Variants in NFIX observed in about 807,000 individuals in gnomAD.
The protein encoded by NFIX is nuclear factor 1 X-type.
Under a neutral mutation model 53.3 loss-of-function variants are expected in NFIX, and 2 were observed. The observed-to-expected ratio is 0.04, with a 90% CI of 0.02 to 0.12. The LOEUF (loss-of-function observed/expected upper bound fraction) is 0.12. Ranked by LOEUF, NFIX falls within the 10% of genes least tolerant of loss-of-function variation. The pLI, the probability that NFIX is intolerant of heterozygous loss-of-function variation, is 1.00. For synonymous variants in NFIX, 244 were observed against 289.0 expected (o/e 0.84, Z 1.58); for missense variants, 310 against 674.5 (o/e 0.46, Z 5.99).
chr19:13,010,343 C>G (rs2012270620), intron 1 of NFIX, among the ~76,000 whole-genome samples: 1 of 152,238 alleles, frequency 6.6e-6, no homozygotes, highest in African/African-American at 2.4e-5. Context: ...CGAAGGGGAC[C>G]TAGGCGCGCT....
At chr19:13,050,557 A>G (rs1422999203) in intron 2 of NFIX, among the ~76,000 whole-genome samples, 2 of 152,110 alleles carry the variant, frequency 1.3e-5, no homozygotes, top group Admixed American at 6.5e-5. Flanking sequence ...ACACATGTGG[A>G]ATTAACTTTA....
chr19:13,000,866 G>A (rs185466905), intron 1 of NFIX, among the ~76,000 whole-genome samples: 1 of 152,282 alleles, frequency 6.6e-6, no homozygotes, highest in Admixed American at 6.5e-5. Flanking sequence ...TGGGTGTTTG[G>A]CCGTGGCGCC....
intron 8 of NFIX, chr19:13,082,116 C>G: frequency 8.0e-6 from 4 of 501,404 alleles, no homozygotes; most frequent in Non-Finnish European, 1.4e-5. Context: ...CTTGCCTTTC[C>G]CATGGTCCTT....
chr19:13,035,870 G>A (rs1305676899), intron 2 of NFIX, among the ~76,000 whole-genome samples: 2 of 152,144 alleles, frequency 1.3e-5, no homozygotes, highest in South Asian at 2.1e-4. Flanking sequence ...CTTCCCACCC[G>A]CTGCCTTTTG....
chr19:13,053,978 G>A (rs2015486334), intron 2 of NFIX, among the ~76,000 whole-genome samples: 1 of 152,042 alleles, frequency 6.6e-6, no homozygotes, highest in Admixed American at 6.5e-5. Context: ...TTGTGGTCCT[G>A]GCCTACTGGC....
At chr19:13,054,923 G>T (rs967281744) in intron 2 of NFIX, among the ~76,000 whole-genome samples, 3 of 152,124 alleles carry the variant, frequency 2.0e-5, no homozygotes, top group Non-Finnish European at 4.4e-5. Context: ...GCTTTGGGGG[G>T]TTTTCCCCCC....
intron 10 of NFIX, among the ~76,000 whole-genome samples, chr19:13,092,629 A>G (rs1736168141): frequency 6.6e-6 from 1 of 152,246 alleles, no homozygotes; most frequent in South Asian, 2.1e-4. Flanking sequence ...GCTTACCACC[A>G]GAGTCAGCCT....
Position 13,075,068 on chromosome 19 carries a change from T to TTAAAAA in NFIX, c.819-467_819-466insTAAAAA, listed in dbSNP as rs556561337. Among the ~76,000 whole-genome samples, 296 of 73,702 alleles carry TTAAAAA rather than the reference T, an allele frequency of 4.0e-3. 8 individuals are homozygous for TTAAAAA. Among genetic ancestry groups the TTAAAAA allele is most frequent in the African/African-American group, 0.019 (283 of 15,114 alleles). The allele number at this position is 73,702 out of a possible 152,430, so 48.4% of individuals were successfully genotyped here. A position where few individuals can be genotyped will look rare whatever the true frequency, so the allele number is the denominator to read the frequency against. ...CTGGGTGACAGAGCGAGACTCCATC[T>TTAAAAA]AAAAAAAAAAAAAAAAAAAAAGGAA... On this transcript the variant is annotated intron_variant, in intron 5 of 10. Coordinates refer to ENST00000592199, the MANE Select transcript of NFIX (RefSeq NM_001365902.3).
chr19:13,035,738 G>A (rs916424262), intron 2 of NFIX, among the ~76,000 whole-genome samples: 7 of 152,048 alleles, frequency 4.6e-5, no homozygotes, highest in African/African-American at 9.7e-5. Context: ...TTAGTTCTTC[G>A]AATTTTTTTC....
intron 2 of NFIX, among the ~76,000 whole-genome samples, chr19:13,055,440 T>C (rs2015604501): frequency 6.6e-6 from 1 of 152,038 alleles, no homozygotes; most frequent in Non-Finnish European, 1.5e-5. Context: ...GCTCACCGCC[T>C]CGGCATCTGC....
rs2015220857 is a variant in NFIX at position 13,049,852 on chromosome 19, A to G, written c.560-23195A>G. 2.0e-5 allele frequency among the ~76,000 whole-genome samples: 3 copies of G among 152,160 alleles called. No individual in the cohort carries two copies. The South Asian group carries it at 6.2e-4, about 32-fold the overall frequency. On this transcript the variant is annotated intron_variant, in intron 2 of 10. Transcript: ENST00000592199. The surrounding 1 kb of genome is among the most constrained non-coding windows in gnomAD (Gnocchi z 4.5). ...CGTGATCCGCTCACCTCGGCCTCCC[A>G]AAGTGTTGGGATTACAGGCGAGAGC...
At chr19:13,075,759 A>T (rs967223676) in intron 6 of NFIX, 88 bp downstream of exon 6, 1 of 1,482,770 alleles carries the variant, frequency 6.7e-7, no homozygotes, top group Non-Finnish European at 9.1e-7. Context: ...GCCTCCCACC[A>T]GTTGTCCCCC....
At chr19:13,016,944 CCT>C (rs1351974981) in intron 1 of NFIX, among the ~76,000 whole-genome samples, 1 of 152,126 alleles carries the variant, frequency 6.6e-6, no homozygotes, top group East Asian at 1.9e-4. Flanking sequence ...AACCAAAAAG[CCT>C]CTTTTTTTTT....
intron 2 of NFIX, among the ~76,000 whole-genome samples, chr19:13,058,319 C>A (rs1341414608): frequency 1.3e-5 from 2 of 152,064 alleles, no homozygotes; most frequent in African/African-American, 4.8e-5. Context: ...ATCTGGACCT[C>A]GGTAGGCATG....
In NFIX at chr19:12,995,525, G is replaced by GC. The variant is rs1414814972; in HGVS notation, c.-313_-312insC. The GC allele has an allele frequency of 1.9e-4, 30 of 153,930 alleles. No homozygotes were observed. Among genetic ancestry groups the GC allele is most frequent in the Admixed American group, 1.0e-3 (15 of 15,060 alleles). The allele number at this position is 153,930 out of a possible 1,614,324, so 9.5% of individuals were successfully genotyped here. A position where few individuals can be genotyped will look rare whatever the true frequency, so the allele number is the denominator to read the frequency against. ...GGCGGCTGCGGCGGCGGCGGCGGCGGGCGAGGGTGACCGGCCGAGCGGCGG... is the reference window on the plus strand; with the variant it reads ...GGCGGCTGCGGCGGCGGCGGCGGCGGCGCGAGGGTGACCGGCCGAGCGGCGG... On this transcript the variant is annotated 5_prime_UTR_variant, in exon 1 of 11. Coordinates refer to ENST00000592199, the MANE Select transcript of NFIX (RefSeq NM_001365902.3).
rs1395106497 is a variant in NFIX at position 13,040,415 on chromosome 19, C to A, written c.559+14863C>A. Among the ~76,000 whole-genome samples, 1 of 152,246 alleles carries A rather than the reference C, an allele frequency of 6.6e-6. No homozygotes were observed. The highest frequency in any genetic ancestry group is 2.4e-5 in the African/African-American group (1 of 41,462). On this transcript the variant is annotated intron_variant, in intron 2 of 10. Transcript: ENST00000592199. The surrounding 1 kb of genome is among the most constrained non-coding windows in gnomAD (Gnocchi z 4.2). The stretch of plus-strand genomic sequence containing the variant: ...ACTCACTCGTGACAGGGTCTCTTCC[C>A]GTGCCAGATCTTCCCTGCCACGCTA...
At chr19:13,024,661 C>T in intron 1 of NFIX, 1 of 1,536,394 alleles carries the variant, frequency 6.5e-7, no homozygotes, top group Non-Finnish European at 8.7e-7. Flanking sequence ...GCGACAGAGC[C>T]TGGCGGGGAT....
At chr19:13,000,907 G>T (rs558945007) in intron 1 of NFIX, among the ~76,000 whole-genome samples, 6 of 152,300 alleles carry the variant, frequency 3.9e-5, no homozygotes, top group African/African-American at 1.4e-4. Flanking sequence ...CCCGTGGTTG[G>T]TGTGTTGACT....
At chr19:13,029,003 A>AG (rs1441251309) in intron 2 of NFIX, among the ~76,000 whole-genome samples, 5 of 152,216 alleles carry the variant, frequency 3.3e-5, no homozygotes, top group African/African-American at 9.6e-5. Flanking sequence ...TCACCCTGTC[A>AG]GATCCCTCCT....
Sources: allele counts gnomAD v4.1 joint callset (sites outside exome capture counted in the v4.1 genomes callset), GRCh38; gene constraint gnomAD v4.1.1; non-coding constraint Gnocchi (gnomAD v3.1); transcripts MANE v1.5; gene names NCBI Gene and HGNC (gene_info 2026-07-23, HGNC 2026-07-21).